Variants in AMBRA1 observed in about 807,000 individuals in gnomAD.
AMBRA1 encodes the protein autophagy and beclin 1 regulator 1, also known as activating molecule in BECN1-regulated autophagy protein 1.
A neutral mutation model predicts 125.4 loss-of-function variants in AMBRA1; 47 were observed. That is an observed-to-expected ratio of 0.37 (90% CI 0.30 to 0.48). The LOEUF is 0.48. Ranked by LOEUF, AMBRA1 falls within the 20% of genes least tolerant of loss-of-function variation. The pLI is 0.99. For missense variants in AMBRA1, 1,331 were observed against 1,693.4 expected (o/e 0.79, Z 3.76); for synonymous variants, 626 against 655.5 (o/e 0.95, Z 0.69).
intron 10 of AMBRA1, 56 bp from the exon 11 acceptor site, chr11:46,493,764 C>A (rs1233951826): frequency 1.5e-6 from 2 of 1,377,486 alleles, no homozygotes; most frequent in South Asian, 1.3e-5. Flanking sequence ...GAAACAGATA[C>A]TAACTACCTA....
intron 12 of AMBRA1, among the ~76,000 whole-genome samples, chr11:46,437,644 C>T (rs770061042): frequency 6.6e-6 from 1 of 152,180 alleles, no homozygotes; most frequent in Non-Finnish European, 1.5e-5. Context: ...GTCACTGCTT[C>T]CATTCACTTG....
At chr11:46,429,197 C>T (rs1451079851) in intron 14 of AMBRA1, 23 of 1,462,744 alleles carry the variant, frequency 1.6e-5, no homozygotes, top group East Asian at 1.2e-4. Context: ...CCCTCTCCCT[C>T]GGACAATCTT....
At chr11:46,445,683 G>A (rs781632313) in intron 11 of AMBRA1, among the ~76,000 whole-genome samples, 12 of 152,114 alleles carry the variant, frequency 7.9e-5, no homozygotes, top group Admixed American at 1.3e-4. Flanking sequence ...CTGAGTTTCC[G>A]AATTGTTTCC....
rs1945519296 is a variant in AMBRA1, at chr11:46,397,627, C to T, written c.3720G>A (p.Gly1240=). 6.2e-7 allele frequency: 1 copy of T among 1,611,580 alleles called. No homozygotes were observed. Among genetic ancestry groups the T allele is most frequent in the Non-Finnish European group, 8.5e-7 (1 of 1,178,460 alleles). The change falls in exon 18 of 18, where the codon GGG becomes GGA. Residue 1240 remains glycine, a synonymous_variant. Transcript: ENST00000683756. Reference sequence around the variant, plus strand: ...GCAGGGTTGGCTGGGTTGGCTCCCGCCCAGGGGTACCAGGCTGGTCCCAGG... The same window carrying T: ...GCAGGGTTGGCTGGGTTGGCTCCCGTCCAGGGGTACCAGGCTGGTCCCAGG... ...TASWDQPGTP[G]REPTQPTLPS...
intron 11 of AMBRA1, among the ~76,000 whole-genome samples, chr11:46,484,944 C>CTT (rs765088387): frequency 7.1e-6 from 1 of 140,218 alleles, no homozygotes; most frequent in Admixed American, 7.2e-5. Flanking sequence ...TGTGCCCAGG[C>CTT]TTTTTTTTTT....
intron 1 of AMBRA1, among the ~76,000 whole-genome samples, chr11:46,583,137 T>G (rs1418450073): frequency 6.6e-6 from 1 of 152,160 alleles, no homozygotes; most frequent in Non-Finnish European, 1.5e-5. Flanking sequence ...AGCATGGTAC[T>G]GGTACCAAAA....
In AMBRA1 at chr11:46,481,390, T is replaced by A. The variant is rs138871674; in HGVS notation, c.2521+12218A>T. The stretch of plus-strand genomic sequence containing the variant: ...AGTCTTCTGAGCTGAACACACTATT[T>A]TTGTTTTTGTTTTTGTGATGGAGTT... On this transcript the variant is annotated intron_variant, in intron 11 of 17. Transcript: ENST00000683756. Among the ~76,000 whole-genome samples the A allele has an allele frequency of 4.6e-3, 703 of 152,144 alleles. 11 individuals carry two copies. The highest frequency in any genetic ancestry group is 0.016 in the African/African-American group (684 of 41,486).
chr11:46,428,895 G>A (rs1947302544), intron 14 of AMBRA1: 2 of 1,611,822 alleles, frequency 1.2e-6, no homozygotes, highest in South Asian at 2.2e-5. Context: ...ATCTCTGGGG[G>A]CAGATGAAGG....
At chr11:46,441,213 G>C (rs927925243) in intron 12 of AMBRA1, among the ~76,000 whole-genome samples, 1 of 152,142 alleles carries the variant, frequency 6.6e-6, no homozygotes, top group African/African-American at 2.4e-5. Context: ...ATCTGTTTTC[G>C]TTATTAAAAG....
At chr11:46,508,496 A>C (rs1377643963) in intron 8 of AMBRA1, 126 bp from the exon 9 acceptor site, 1 of 937,682 alleles carries the variant, frequency 1.1e-6, no homozygotes, top group African/African-American at 1.7e-5. Context: ...TGAAAATTAA[A>C]GGGCATTTAA....
intron 11 of AMBRA1, among the ~76,000 whole-genome samples, chr11:46,487,094 C>T (rs534424881): frequency 9.1e-4 from 138 of 151,456 alleles, no homozygotes; most frequent in African/African-American, 2.8e-3. Context: ...CCCATCTCTA[C>T]GAAAAGTACA....
At chr11:46,399,092 G>A (rs1945590723) in intron 17 of AMBRA1, among the ~76,000 whole-genome samples, 1 of 151,174 alleles carries the variant, frequency 6.6e-6, no homozygotes, top group African/African-American at 2.4e-5. Context: ...TTATTTTTTT[G>A]AAATGGAGTT....
chr11:46,549,284 C>T (rs570017876), intron 1 of AMBRA1, among the ~76,000 whole-genome samples: 2 of 152,310 alleles, frequency 1.3e-5, no homozygotes, highest in South Asian at 2.1e-4. Context: ...AGAATATCTA[C>T]ATATATACAG....
At chr11:46,426,061 A>G (rs1271767799) in intron 14 of AMBRA1, among the ~76,000 whole-genome samples, 5 of 150,618 alleles carry the variant, frequency 3.3e-5, no homozygotes, top group Non-Finnish European at 5.9e-5. Context: ...GCGAGACTCC[A>G]TCTCAAAATA....
intron 7 of AMBRA1, among the ~76,000 whole-genome samples, chr11:46,537,847 C>T (rs187073851): frequency 6.6e-6 from 1 of 152,324 alleles, no homozygotes; most frequent in East Asian, 1.9e-4. Flanking sequence ...GGCCAATGAA[C>T]AAAACTTTCT....
chr11:46,398,114 C>T (rs1161319859), intron 17 of AMBRA1, among the ~76,000 whole-genome samples, 171 bp from the exon 18 acceptor site: 1 of 152,244 alleles, frequency 6.6e-6, no homozygotes, highest in Non-Finnish European at 1.5e-5. Flanking sequence ...AGACAAAACC[C>T]CCAAAATGTT....
intron 9 of AMBRA1, among the ~76,000 whole-genome samples, chr11:46,500,833 C>A (rs1950810172): frequency 6.6e-6 from 1 of 152,228 alleles, no homozygotes; most frequent in African/African-American, 2.4e-5. Context: ...CACCTCTCCC[C>A]AAATACTCTC....
chr11:46,440,158 A>G (rs997316725), intron 12 of AMBRA1, among the ~76,000 whole-genome samples: 10 of 152,206 alleles, frequency 6.6e-5, no homozygotes, highest in Non-Finnish European at 1.3e-4. Flanking sequence ...CACAGTTTGT[A>G]GAGTAAAAGA....
intron 7 of AMBRA1, among the ~76,000 whole-genome samples, chr11:46,526,201 C>T (rs73449908): frequency 0.012 from 1,832 of 151,776 alleles, 44 homozygotes; most frequent in African/African-American, 0.042. Context: ...AGCGAAACAT[C>T]GGCTCAAAAA....
Sources: gnomAD v4.1 joint callset for allele counts (sites outside exome capture counted in the v4.1 genomes callset) on GRCh38, gnomAD v4.1.1 for gene constraint, MANE v1.5 for transcripts, NCBI Gene and HGNC (gene_info 2026-07-23, HGNC 2026-07-21) for gene names.